COG6: variants seen among roughly 807,000 people sequenced by gnomAD.
The protein encoded by COG6 is component of oligomeric golgi complex 6.
In COG6, 74 loss-of-function variants were observed where a neutral mutation model predicts 88.8. That is an observed-to-expected ratio of 0.83 (90% CI 0.69 to 1.01). The LOEUF (loss-of-function observed/expected upper bound fraction) is 1.01. Ranked by LOEUF, COG6 falls within the 50% of genes least tolerant of loss-of-function variation. The probability of loss-of-function intolerance (pLI) is 0.00; values close to 1 mark genes in which losing one functional copy is unlikely to be tolerated. For missense variants in COG6, 800 were observed against 797.9 expected (o/e 1.00, Z -0.03); for synonymous variants, 286 against 278.7 (o/e 1.03, Z -0.26).
At chr13:39,723,862 A>C (rs149504274) in intron 16 of COG6, among the ~76,000 whole-genome samples, 321 of 152,190 alleles carry the variant, frequency 2.1e-3, no homozygotes, top group African/African-American at 7.1e-3. Flanking sequence ...AATAGCAGTC[A>C]TCTTCTTTTT....
chr13:39,749,770 C>G (rs1880524744), intron 18 of COG6, among the ~76,000 whole-genome samples: 1 of 152,114 alleles, frequency 6.6e-6, no homozygotes, highest in South Asian at 2.1e-4. Flanking sequence ...AAGGGTTGCA[C>G]TGGAATTAGA....
intron 18 of COG6, among the ~76,000 whole-genome samples, chr13:39,787,381 C>CGTGTGGTGT (rs1287804319): frequency 6.6e-6 from 1 of 151,824 alleles, no homozygotes; most frequent in Non-Finnish European, 1.5e-5. Flanking sequence ...TGTGTGTGTG[C>CGTGTGGTGT]GTGTGGTGTG....
intron 15 of COG6, 98 bp downstream of exon 15, chr13:39,719,925 T>A (rs570117162): frequency 4.8e-5 from 42 of 869,662 alleles, no homozygotes; most frequent in Non-Finnish European, 7.5e-5. Flanking sequence ...ATGACCTAAT[T>A]CCTATAGATC....
At chr13:39,769,398 A>T (rs908545299) in intron 18 of COG6, among the ~76,000 whole-genome samples, 3 of 152,218 alleles carry the variant, frequency 2.0e-5, no homozygotes, top group Non-Finnish European at 4.4e-5. Flanking sequence ...TTAAGAGTAC[A>T]TTTAGAAATG....
chr13:39,724,463 T>A (rs763998052), intron 16 of COG6, 45 bp from the exon 17 acceptor site: 31 of 1,438,552 alleles, frequency 2.2e-5, no homozygotes, highest in Non-Finnish European at 2.8e-5. Flanking sequence ...GTATATCTCC[T>A]TTTTTACATC....
At chr13:39,732,740 G>C (rs1017520413) in intron 18 of COG6, among the ~76,000 whole-genome samples, 3 of 152,150 alleles carry the variant, frequency 2.0e-5, no homozygotes, top group African/African-American at 7.2e-5. Context: ...AAAATAGATG[G>C]AGTCTTAGAG....
intron 13 of COG6, among the ~76,000 whole-genome samples, chr13:39,704,223 A>C (rs1469549637): frequency 6.6e-6 from 1 of 152,182 alleles, no homozygotes; most frequent in African/African-American, 2.4e-5. Context: ...ACAAAACAGG[A>C]AAACATACAG....
At chr13:39,762,949 C>T (rs1881065938) in intron 18 of COG6, among the ~76,000 whole-genome samples, 1 of 151,600 alleles carries the variant, frequency 6.6e-6, no homozygotes, top group Admixed American at 6.6e-5. Context: ...TAATCTTTAT[C>T]AGAGAGGAAG....
chr13:39,726,735 C>T (rs1879153576), intron 17 of COG6, among the ~76,000 whole-genome samples: 1 of 151,928 alleles, frequency 6.6e-6, no homozygotes. Flanking sequence ...ATGATCTCTA[C>T]TTATATGTTT....
chr13:39,682,675 T>C (rs1258496877), intron 8 of COG6, among the ~76,000 whole-genome samples: 2 of 152,078 alleles, frequency 1.3e-5, no homozygotes, highest in African/African-American at 4.8e-5. Context: ...ATCAAGGTAA[T>C]CTGTTAATAG....
rs1880603958 is a variant in COG6 at position 39,751,139 on chromosome 13, C to T, written c.*46C>T. ...AGCAAAATATGACCTCCCTAAAACA[C>T]TGAAGGTTATTTTTTATTCTTTGAA... On this transcript the variant is annotated 3_prime_UTR_variant, in exon 19 of 19. Transcript: ENST00000455146. The T allele has an allele frequency of 6.2e-7, 1 of 1,606,896 alleles. No individual in the cohort carries two copies.
At position 39,750,965 on chromosome 13, in the gene COG6, T is replaced by C; in HGVS notation, c.1846T>C (p.Ser616Pro). The C allele has an allele frequency of 6.2e-7, 1 of 1,613,536 alleles. No homozygotes were observed. Among genetic ancestry groups the C allele is most frequent in the Non-Finnish European group, 8.5e-7 (1 of 1,179,688 alleles). The change falls in exon 19 of 19, where the codon TCT (serine) becomes CCT (proline). Residue 616 changes from serine to proline, a missense_variant. Coordinates refer to ENST00000455146, the MANE Select transcript of COG6 (RefSeq NM_020751.3). ...CAATAGAGAGCAGATCGTAAAACAA[T>C]CTACAGAATTAGTCTGCAGAGCCTA... ...ATVKEQIVKQ[S>P]TELVCRAYGE...
At chr13:39,695,638 AC>A (rs943116212) in intron 12 of COG6, among the ~76,000 whole-genome samples, 2 of 151,844 alleles carry the variant, frequency 1.3e-5, no homozygotes, top group African/African-American at 4.8e-5. Context: ...GTTATCACCT[AC>A]CCCTTAGTGA....
intron 4 of COG6, among the ~76,000 whole-genome samples, chr13:39,670,577 G>C (rs1875567717): frequency 6.6e-6 from 1 of 151,916 alleles, no homozygotes; most frequent in Non-Finnish European, 1.5e-5. Flanking sequence ...TATGTCATGG[G>C]GTTTTTGAGA....
rs750527031 is a variant in COG6, at chr13:39,752,080, A to G, written c.*987A>G. The stretch of plus-strand genomic sequence containing the variant: ...TGACTTTAGACCATTACCTATTAGG[A>G]AGATTAAAAATGACTGTATTTTTAA... On this transcript the variant is annotated 3_prime_UTR_variant, in exon 19 of 19. Transcript: ENST00000455146. The G allele has an allele frequency of 1.3e-5, 17 of 1,285,336 alleles. No homozygotes were observed. In the South Asian group the frequency reaches 1.9e-4, roughly 14 times the overall value. The allele number at this position is 1,285,336 out of a possible 1,614,324, so 79.6% of individuals were successfully genotyped here.
intron 18 of COG6, among the ~76,000 whole-genome samples, chr13:39,765,846 C>T (rs1480424887): frequency 1.3e-5 from 2 of 152,180 alleles, no homozygotes; most frequent in Non-Finnish European, 2.9e-5. Flanking sequence ...GTGCTGTGTG[C>T]AGATACTTAC....
At chr13:39,707,204 C>T (rs1877986151) in intron 13 of COG6, among the ~76,000 whole-genome samples, 1 of 151,554 alleles carries the variant, frequency 6.6e-6, no homozygotes, top group African/African-American at 2.4e-5. Flanking sequence ...TCTCTGCTCA[C>T]TGCAGCTTCT....
At chr13:39,783,417 T>A (rs1022351363) in intron 18 of COG6, among the ~76,000 whole-genome samples, 2 of 152,182 alleles carry the variant, frequency 1.3e-5, no homozygotes, top group Non-Finnish European at 2.9e-5. Flanking sequence ...CTAATATTTG[T>A]TTGTTCATTT....
chr13:39,724,729 G>C (rs1879042443), intron 17 of COG6, among the ~76,000 whole-genome samples, 168 bp downstream of exon 17: 1 of 151,756 alleles, frequency 6.6e-6, no homozygotes, highest in South Asian at 2.1e-4. Flanking sequence ...TAATTGAACA[G>C]TTCTGGCCAA....
Sources: gnomAD v4.1 joint callset for allele counts (sites outside exome capture counted in the v4.1 genomes callset) on GRCh38, gnomAD v4.1.1 for gene constraint, MANE v1.5 for transcripts, NCBI Gene and HGNC (gene_info 2026-07-23, HGNC 2026-07-21) for gene names.